Variants in ESRRG observed in about 807,000 individuals in gnomAD.
ESRRG encodes estrogen related receptor gamma.
ESRRG carries 13 observed loss-of-function variants against 44.0 expected under a neutral mutation model. The ratio of observed to expected loss-of-function variants is 0.30; its 90% CI spans 0.19 to 0.47. The LOEUF (loss-of-function observed/expected upper bound fraction) is 0.47, where lower values mean the gene tolerates loss of function less well. Ranked by LOEUF, ESRRG falls within the 20% of genes least tolerant of loss-of-function variation. The probability of loss-of-function intolerance (pLI) is 1.00; values close to 1 mark genes in which losing one functional copy is unlikely to be tolerated. For synonymous variants in ESRRG, 215 were observed against 214.6 expected, an observed-to-expected ratio of 1.00 and a Z score of -0.02; for missense variants, 395 against 580.6, an observed-to-expected ratio of 0.68 and a Z score of 3.29.
intron 3 of ESRRG, among the ~76,000 whole-genome samples, chr1:216,592,551 T>C (rs770293035): frequency 2.0e-4 from 31 of 151,982 alleles, no homozygotes; most frequent in Non-Finnish European, 5.9e-5. Flanking sequence ...CCAAGGCTGG[T>C]GTGCAGTGGT....
intron 3 of ESRRG, among the ~76,000 whole-genome samples, chr1:216,645,332 GTCATCATCA>G (rs142258442): frequency 2.0e-5 from 3 of 151,238 alleles, no homozygotes; most frequent in Non-Finnish European, 4.4e-5. Flanking sequence ...CATTGATATA[GTCATCATCA>G]TCATCATCAT....
chr1:216,900,547 G>C lies in ESRRG; in HGVS notation c.-14+39035C>G, dbSNP rs1436883. ...TGTGTGTATTGTTTGGTCTGTTAAG[G>C]GGGGGCAAGAATTTTGACCTAGTGT... is the stretch of plus-strand genomic sequence containing the variant. On this transcript the variant is annotated intron_variant, in intron 2 of 7. Transcript: ENST00000359162. Among the ~76,000 whole-genome samples the C allele has an allele frequency of 1.4e-3, 211 of 152,066 alleles. 1 individual carries two copies. Among genetic ancestry groups the C allele is most frequent in the Non-Finnish European group, 2.2e-3 (150 of 67,976 alleles).
intron 1 of ESRRG, among the ~76,000 whole-genome samples, chr1:217,020,684 C>T (rs960597595): frequency 1.3e-5 from 2 of 152,118 alleles, no homozygotes; most frequent in Admixed American, 6.5e-5. Context: ...CTCTTTCTCT[C>T]GTTTAAGACT....
intron 1 of ESRRG, among the ~76,000 whole-genome samples, chr1:216,999,893 C>G (rs910398745): frequency 1.1e-4 from 16 of 152,086 alleles, no homozygotes; most frequent in African/African-American, 3.9e-4. Flanking sequence ...ATGACTATTC[C>G]CATGTTTGTT....
rs974736952 is a variant in ESRRG at position 216,688,261 on chromosome 1, T to C, written c.57-10770A>G. 1.3e-5 allele frequency among the ~76,000 whole-genome samples: 2 copies of C among 152,182 alleles called. 1 individual carries two copies. Among genetic ancestry groups the C allele is most frequent in the Admixed American group, 1.3e-4 (2 of 15,278 alleles). On this transcript the variant is annotated intron_variant, in intron 1 of 6. Coordinates refer to ENST00000408911, the MANE Select transcript of ESRRG (RefSeq NM_001438.4). ...CAGTGAGTGGAGCGGGAAAGCCATGTCTTTAACCAGATCAAATTCTCGAAA... is the reference window on the plus strand; with the variant it reads ...CAGTGAGTGGAGCGGGAAAGCCATGCCTTTAACCAGATCAAATTCTCGAAA...
chr1:216,989,956 G>A (rs1463740868), intron 1 of ESRRG, among the ~76,000 whole-genome samples: 1 of 152,164 alleles, frequency 6.6e-6, no homozygotes, highest in Non-Finnish European at 1.5e-5. Context: ...GACAGAGAAA[G>A]ATAACCTGAG....
At chr1:216,843,213 GT>G (rs80001453) in intron 2 of ESRRG, among the ~76,000 whole-genome samples, 2 of 139,766 alleles carry the variant, frequency 1.4e-5, no homozygotes, top group East Asian at 2.0e-4. Context: ...ATCAAATTTT[GT>G]TTTTTTTTAA....
At chr1:216,568,436 A>G (rs1323697475) in intron 3 of ESRRG, among the ~76,000 whole-genome samples, 1 of 152,206 alleles carries the variant, frequency 6.6e-6, no homozygotes, top group African/African-American at 2.4e-5. Context: ...AGACCCTGGC[A>G]TTTAGCATCC....
chr1:216,863,839 C>T (rs2096096014), intron 2 of ESRRG: 1 of 152,162 alleles, frequency 6.6e-6, no homozygotes, highest in Non-Finnish European at 1.5e-5. Context: ...TACTTCTGCT[C>T]ACCCTGCTGC....
chr1:216,821,200 A>C (rs1362296241), intron 2 of ESRRG, among the ~76,000 whole-genome samples: 2 of 152,178 alleles, frequency 1.3e-5, no homozygotes, highest in Non-Finnish European at 2.9e-5. Flanking sequence ...CCCTCCTTCC[A>C]GGACAAATGT....
At chr1:217,111,702 C>A (rs1349293751) in intron 1 of ESRRG, among the ~76,000 whole-genome samples, 2 of 152,136 alleles carry the variant, frequency 1.3e-5, no homozygotes, top group Non-Finnish European at 2.9e-5. Flanking sequence ...TTTTCAGCTG[C>A]TGGCTGTCAG....
At chr1:216,711,282 A>G (rs1481957365) in intron 1 of ESRRG, among the ~76,000 whole-genome samples, 4 of 152,054 alleles carry the variant, frequency 2.6e-5, no homozygotes, top group African/African-American at 4.8e-5. Context: ...ACCTTTCCTG[A>G]CTGCAATAGC....
intron 2 of ESRRG, among the ~76,000 whole-genome samples, chr1:216,847,586 C>T (rs1329121029): frequency 5.9e-5 from 9 of 152,072 alleles, no homozygotes. Flanking sequence ...AGGATGAATC[C>T]CATGAGTCAT....
intron 2 of ESRRG, among the ~76,000 whole-genome samples, chr1:216,754,089 G>A (rs1002184945): frequency 6.6e-6 from 1 of 151,942 alleles, no homozygotes; most frequent in African/African-American, 2.4e-5. Context: ...CAAAACATAA[G>A]AGCTTTCAAA....
intron 2 of ESRRG, among the ~76,000 whole-genome samples, chr1:216,785,599 G>C (rs11572614): frequency 6.6e-6 from 1 of 152,000 alleles, no homozygotes; most frequent in East Asian, 1.9e-4. Context: ...AGAGAAAGAA[G>C]ACTGTTATGC....
intron 2 of ESRRG, among the ~76,000 whole-genome samples, chr1:216,802,045 C>T (rs11572598): frequency 0.038 from 5,768 of 152,150 alleles, 379 homozygotes; most frequent in African/African-American, 0.13. Flanking sequence ...AATCAACAAA[C>T]CATGAATACT....
At chr1:216,775,549 ATCTTTTTTTTT>A (rs2093573854) in intron 2 of ESRRG, among the ~76,000 whole-genome samples, 1 of 82,890 alleles carries the variant, frequency 1.2e-5, no homozygotes, top group Non-Finnish European at 2.5e-5. Context: ...AAAATGTCAC[ATCTTTTTTTTT>A]TTTTTTTTTT....
chr1:217,071,006 T>C (rs2090483462), intron 1 of ESRRG, among the ~76,000 whole-genome samples: 1 of 152,104 alleles, frequency 6.6e-6, no homozygotes, highest in African/African-American at 2.4e-5. Flanking sequence ...TTTCTTTCCT[T>C]CTCTCCACTT....
At chr1:216,769,321 T>C (rs2093276085) in intron 2 of ESRRG, among the ~76,000 whole-genome samples, 1 of 152,154 alleles carries the variant, frequency 6.6e-6, no homozygotes, top group Admixed American at 6.6e-5. Context: ...GAAGTAGTCA[T>C]TGAATAATGG....
Sources: allele counts gnomAD v4.1 joint callset (sites outside exome capture counted in the v4.1 genomes callset), GRCh38; gene constraint gnomAD v4.1.1; transcripts MANE v1.5; gene names NCBI Gene and HGNC (gene_info 2026-07-23, HGNC 2026-07-21).